Variants in MLLT6 observed in about 807,000 individuals in gnomAD.
MLLT6 encodes MLLT6, PHD finger containing, also known as protein AF-17.
Under a neutral mutation model 103.0 loss-of-function variants are expected in MLLT6, and 22 were observed. The observed-to-expected ratio is 0.21, with a 90% CI of 0.15 to 0.31. The LOEUF is 0.31. MLLT6 is among the 10% of genes least tolerant of loss of function. The probability of loss-of-function intolerance (pLI) is 1.00; values close to 1 mark genes in which losing one functional copy is unlikely to be tolerated. For missense variants in MLLT6, 1,199 were observed against 1,441.7 expected (o/e 0.83, Z 2.73); for synonymous variants, 606 against 623.5 (o/e 0.97, Z 0.42).
chr17:38,707,861 C>T lies in MLLT6; in HGVS notation c.343C>T (p.Arg115Cys), dbSNP rs1275796358. The T allele has an allele frequency of 3.1e-6, 5 of 1,610,682 alleles. No individual in the cohort carries two copies. The highest frequency in any genetic ancestry group is 1.7e-5 in the Admixed American group (1 of 59,770). ...PIVLQYVPHD[R>C]FNKTCYICEE... is the part of the protein sequence containing the mutation. The stretch of plus-strand genomic sequence containing the variant: ...CGTGCTGCAGTACGTGCCTCATGAT[C>T]GCTTCAACAAGGTCAGCGGCCCCCC... The change falls in exon 4 of 20, where the codon CGC becomes TGC. Residue 115 changes from arginine to cysteine, a missense_variant. Physicochemically the swap from Arg to Cys is radical, Grantham distance 180. This residue lies in a region of MLLT6 where 59 missense variants were observed against 135.1 expected (regional missense o/e 0.44). Transcript: ENST00000621332.
chr17:38,719,265 G>A (rs1210619594), intron 12 of MLLT6: 1 of 531,258 alleles, frequency 1.9e-6, no homozygotes, highest in Non-Finnish European at 3.3e-6. Context: ...TTGGGCGGTG[G>A]ATCTGAAAGA....
In MLLT6 at chr17:38,724,617, C is replaced by T. The variant is rs116805329; in HGVS notation, c.2884-3C>T. 2.1e-3 allele frequency: 3,337 copies of T among 1,578,472 alleles called. 78 individuals carry two copies. The African/African-American group carries it at 0.039, about 19-fold the overall frequency. ...GCCAACAAGCGGTCTGGCCCCCTTG[C>T]AGGAACACCAGACTGTTGTCTACCA... On this transcript the variant is annotated splice_polypyrimidine_tract_variant and splice_region_variant and intron_variant, in intron 18 of 19. Transcript: ENST00000621332. This position sits in a 1 kb window ranked among gnomAD's most constrained non-coding sequence, Gnocchi z 5.4.
At chr17:38,706,239 G>C (rs951828515) in intron 1 of MLLT6, 1 of 152,472 alleles carries the variant, frequency 6.6e-6, no homozygotes, top group Non-Finnish European at 1.5e-5. Flanking sequence ...ATAGGAGAGA[G>C]GTTGTGCAGG....
chr17:38,719,349 T>G, intron 12 of MLLT6, 168 bp from the exon 13 acceptor site: 4 of 626,412 alleles, frequency 6.4e-6, no homozygotes, highest in Admixed American at 2.9e-5. Context: ...AGGGGCAGGG[T>G]TTCCAAGCCA....
At chr17:38,717,991 A>G (rs1905445839) in intron 12 of MLLT6, 38 bp downstream of exon 12, 2 of 1,448,774 alleles carry the variant, frequency 1.4e-6, no homozygotes, top group Non-Finnish European at 1.9e-6. Flanking sequence ...CTTTCTTCCC[A>G]AAGGTCGGAC....
chr17:38,723,742 CT>C (rs575998138), intron 18 of MLLT6, among the ~76,000 whole-genome samples: 4,856 of 137,456 alleles, frequency 0.035, 189 homozygotes, highest in African/African-American at 0.11. Flanking sequence ...GAATTGAAAA[CT>C]TTTTTTTTTT....
At chr17:38,719,321 G>T in intron 12 of MLLT6, 196 bp from the exon 13 acceptor site, 1 of 594,580 alleles carries the variant, frequency 1.7e-6, no homozygotes, top group South Asian at 2.0e-5. Flanking sequence ...GAGAGCAGAT[G>T]CCCGGGGTTT....
At position 38,725,585 on chromosome 17, in the gene MLLT6, A is replaced by G; in HGVS notation, c.3269A>G (p.Gln1090Arg). The change falls in exon 20 of 20, where the codon CAG (glutamine) becomes CGG (arginine). Residue 1090 changes from glutamine to arginine, a missense_variant. Coordinates refer to ENST00000621332, the MANE Select transcript of MLLT6 (RefSeq NM_005937.4). ...GTADKGASAN[Q>R]EKG ...GCTGACAAAGGAGCCTCAGCCAACCAGGAAAAAGGCTAAATCCACCCTTAC... is the reference window on the plus strand; with the variant it reads ...GCTGACAAAGGAGCCTCAGCCAACCGGGAAAAAGGCTAAATCCACCCTTAC... 1 of 1,602,116 alleles carries G rather than the reference A, an allele frequency of 6.2e-7. No homozygotes were observed.
Position 38,723,289 on chromosome 17 carries a change from C to G in MLLT6, c.2883+521C>G, listed in dbSNP as rs182489842. Among the ~76,000 whole-genome samples the G allele has an allele frequency of 3.1e-3, 477 of 152,236 alleles. 1 individual carries two copies. Among genetic ancestry groups the G allele is most frequent in the Non-Finnish European group, 5.3e-3 (358 of 68,012 alleles). On this transcript the variant is annotated intron_variant, in intron 18 of 19. Transcript: ENST00000621332. Reference sequence around the variant, plus strand: ...CTGAGGCAGGCAGATCGCTTGAGCTCAGGAGTTTGAGATCAGCCTGGGCAA... The same window carrying G: ...CTGAGGCAGGCAGATCGCTTGAGCTGAGGAGTTTGAGATCAGCCTGGGCAA...
Position 38,720,728 on chromosome 17 carries a change from C to G in MLLT6, c.2423C>G (p.Ser808Trp), listed in dbSNP as rs980054521. The change falls in exon 16 of 20, where the codon TCG becomes TGG. Residue 808 changes from serine (S) to tryptophan (W), a missense_variant. Physicochemically the swap from Ser to Trp is radical, Grantham distance 177. Transcript: ENST00000621332. ...AAGAGCAGCCTCGGCCTGGACAACTCGCTGTCCACTTCTTCTGAGGTGGGC... is the reference window on the plus strand; with the variant it reads ...AAGAGCAGCCTCGGCCTGGACAACTGGCTGTCCACTTCTTCTGAGGTGGGC... The part of the protein sequence containing the change: ...PGKSSLGLDN[S>W]LSTSSEDPHS... The G allele has an allele frequency of 6.2e-7, 1 of 1,613,676 alleles. No individual in the cohort carries two copies. Among genetic ancestry groups the G allele is most frequent in the Non-Finnish European group, 8.5e-7 (1 of 1,179,978 alleles).
chr17:38,715,769 C>T lies in MLLT6; in HGVS notation c.977C>T (p.Ser326Phe), dbSNP rs1252286072. The change falls in exon 9 of 20, where the codon TCC (serine) becomes TTC (phenylalanine). Residue 326 changes from serine to phenylalanine, a missense_variant. Ser to Phe is a radical substitution (Grantham distance 155, BLOSUM62 -2). This residue lies in a region of MLLT6 where 1,034 missense variants were observed against 1,091.5 expected (regional missense o/e 0.95). Coordinates refer to ENST00000621332, the MANE Select transcript of MLLT6 (RefSeq NM_005937.4). ...SSGKGVSSFTSASSSSSSSSS... is the reference protein window; with the variant it reads ...SSGKGVSSFTFASSSSSSSSS... ...GGGAAAGGTGTGAGCAGTTTTACCT[C>T]CGCCTCCTCTTCTTCCTCCTCCTCT... 1 of 1,613,338 alleles carries T rather than the reference C, an allele frequency of 6.2e-7. No homozygotes were observed. The highest frequency in any genetic ancestry group is 8.5e-7 in the Non-Finnish European group (1 of 1,179,718).
chr17:38,713,997 C>T (rs900157451), intron 8 of MLLT6: 1 of 152,348 alleles, frequency 6.6e-6, no homozygotes. Context: ...AATACCTGGT[C>T]GCTACTAGGA....
chr17:38,706,808 A>C (rs1904946330), intron 1 of MLLT6, 142 bp from the exon 2 acceptor site: 1 of 603,816 alleles, frequency 1.7e-6, no homozygotes, highest in African/African-American at 1.9e-5. Flanking sequence ...CCTGCTGTAG[A>C]GTGAGTGACC....
chr17:38,720,006 C>A, intron 14 of MLLT6, 111 bp downstream of exon 14: 1 of 1,400,264 alleles, frequency 7.1e-7, no homozygotes, highest in Non-Finnish European at 9.4e-7. Context: ...CCCGCCCCAG[C>A]CTTGACTCTC....
intron 11 of MLLT6, 48 bp from the exon 12 acceptor site, chr17:38,717,797 C>T (rs1215226801): frequency 1.3e-6 from 2 of 1,502,416 alleles, no homozygotes; most frequent in Non-Finnish European, 1.9e-6. Context: ...CACAGTTGTG[C>T]TCTAGATCCA....
Position 38,711,882 on chromosome 17 carries a change from A to C in MLLT6, c.588A>C (p.Gly196=). ...TSRHSSGGGG[G]GAGGGGGSMG... ...GGCACAGCAGCGGGGGAGGCGGAGG[A>C]GGCGCTGGAGGAGGAGGTGGCAGCA... Residue 196 remains glycine (G), a synonymous_variant, in exon 7 of 20, where the codon GGA becomes GGC. Coordinates refer to ENST00000621332, the MANE Select transcript of MLLT6 (RefSeq NM_005937.4). 3.1e-6 allele frequency: 5 copies of C among 1,594,988 alleles called. No individual in the cohort carries two copies. The highest frequency in any genetic ancestry group is 4.3e-6 in the Non-Finnish European group (5 of 1,170,672).
In MLLT6 at chr17:38,709,504, T is replaced by C. The variant is rs768492421; in HGVS notation, c.481T>C (p.Cys161Arg). 2 of 1,614,182 alleles carry C rather than the reference T, an allele frequency of 1.2e-6. No homozygotes were observed. The highest frequency in any genetic ancestry group is 1.7e-6 in the Non-Finnish European group (2 of 1,179,998). Residue 161 changes from cysteine (C) to arginine (R), a missense_variant, in exon 6 of 20, where the codon TGT becomes CGT. By Grantham distance (180) the Cys-to-Arg change is radical. Around this residue, in one of 7 missense-constraint regions of MLLT6, gnomAD observed 59 missense variants for 135.1 expected, o/e 0.44. Transcript: ENST00000621332. This position sits in a 1 kb window ranked among gnomAD's most constrained non-coding sequence, Gnocchi z 4.3. ...VTCAQMAGLL[C>R]EEEVLEVDNV... is the part of the protein sequence containing the mutation. ...TAGTGCCCAAATGGCAGGCTTGCTG[T>C]GTGAGGAAGAAGTGCTGGAGGTGGA...
Position 38,727,973 on chromosome 17 carries a change from C to G in MLLT6, c.*2375C>G, listed in dbSNP as rs1003287510. 1 of 233,162 alleles carries G rather than the reference C, an allele frequency of 4.3e-6. No individual in the cohort carries two copies. Among genetic ancestry groups the G allele is most frequent in the African/African-American group, 2.2e-5 (1 of 45,338 alleles). The allele number at this position is 233,162 out of a possible 1,614,324, so 14.4% of individuals were successfully genotyped here. On this transcript the variant is annotated 3_prime_UTR_variant, in exon 20 of 20. Transcript: ENST00000621332. The stretch of plus-strand genomic sequence containing the variant: ...TGAAGAGTGAGAGGTCCAAGTGATT[C>G]TGTGCATTGAAACCAAGACACCCCA...
chr17:38,705,750 G>GC lies in MLLT6; in HGVS notation c.109+9_109+10insC. 7.3e-7 allele frequency: 1 copy of GC among 1,364,334 alleles called. No individual in the cohort carries two copies. Among genetic ancestry groups the GC allele is most frequent in the South Asian group, 2.0e-5 (1 of 49,278 alleles). The allele number at this position is 1,364,334 out of a possible 1,614,324, so 84.5% of individuals were successfully genotyped here. ...CGTGGCCGTCCACCAAGGTACGGGG[G>GC]TGGCCCGCGGGGGGCGGCGGGACCC... On this transcript the variant is annotated intron_variant, in intron 1 of 19. Coordinates refer to ENST00000621332, the MANE Select transcript of MLLT6 (RefSeq NM_005937.4).
Sources: gnomAD v4.1 joint callset for allele counts (sites outside exome capture counted in the v4.1 genomes callset) on GRCh38, gnomAD v4.1.1 for gene constraint, gnomAD v4.1.1 regional missense constraint, Gnocchi (gnomAD v3.1) non-coding constraint, MANE v1.5 for transcripts, NCBI Gene and HGNC (gene_info 2026-07-23, HGNC 2026-07-21) for gene names.